EHBP1: variants seen among roughly 807,000 people sequenced by gnomAD.
EHBP1 encodes the protein EH domain binding protein 1.
In EHBP1, 55 loss-of-function variants were observed where a neutral mutation model predicts 144.0. The ratio of observed to expected loss-of-function variants is 0.38; its 90% confidence interval spans 0.31 to 0.48. EHBP1 has a LOEUF of 0.48. Ranked by LOEUF, EHBP1 falls within the 20% of genes least tolerant of loss-of-function variation. The pLI is 0.98. For missense variants in EHBP1, 1,200 were observed against 1,364.2 expected (o/e 0.88, Z 1.90); for synonymous variants, 469 against 472.7 (o/e 0.99, Z 0.10).
intron 18 of EHBP1, among the ~76,000 whole-genome samples, chr2:62,995,929 G>T (rs1234997565): frequency 6.6e-6 from 1 of 151,946 alleles, no homozygotes; most frequent in African/African-American, 2.4e-5. Flanking sequence ...TGGCTAAATG[G>T]AAGATTAACC....
At chr2:62,943,014 C>G in intron 11 of EHBP1, 118 bp downstream of exon 11, 1 of 751,554 alleles carries the variant, frequency 1.3e-6, no homozygotes. Context: ...ATTACCCCAC[C>G]TCTTGCTTTT....
chr2:62,767,397 T>G (rs112529456), intron 4 of EHBP1, among the ~76,000 whole-genome samples: 86 of 152,190 alleles, frequency 5.7e-4, no homozygotes, highest in African/African-American at 2.0e-3. Context: ...ATTATGGAAG[T>G]ATTATAAAAG....
At chr2:63,020,511 A>G (rs1033657077) in intron 19 of EHBP1, among the ~76,000 whole-genome samples, 4 of 150,466 alleles carry the variant, frequency 2.7e-5, no homozygotes, top group African/African-American at 4.8e-5. Flanking sequence ...TCAAAAAAAA[A>G]AAAGAAAGAA....
intron 2 of EHBP1, among the ~76,000 whole-genome samples, chr2:62,722,687 C>A (rs908990429): frequency 1.3e-5 from 2 of 152,254 alleles, no homozygotes; most frequent in Non-Finnish European, 2.9e-5. Context: ...TGTTTTGACA[C>A]TTGACACTTC....
At chr2:62,792,904 T>G (rs1392416600) in intron 5 of EHBP1, among the ~76,000 whole-genome samples, 4 of 148,242 alleles carry the variant, frequency 2.7e-5, no homozygotes, top group South Asian at 2.1e-4. Flanking sequence ...AATTGATAGG[T>G]TTTTTTTTTG....
chr2:62,680,941 T>C (rs1315682031), intron 1 of EHBP1, among the ~76,000 whole-genome samples: 2 of 152,124 alleles, frequency 1.3e-5, no homozygotes, highest in Non-Finnish European at 2.9e-5. Context: ...CCTATCATAC[T>C]GGGAGGAAAG....
chr2:62,949,023 C>A lies in EHBP1; in HGVS notation c.2177C>A (p.Thr726Asn). 6.2e-7 allele frequency: 1 copy of A among 1,613,814 alleles called. No homozygotes were observed. The highest frequency in any genetic ancestry group is 8.5e-7 in the Non-Finnish European group (1 of 1,179,894). Residue 726 changes from threonine (T) to asparagine (N), a missense_variant, in exon 13 of 23, where the codon ACT (threonine) becomes AAT (asparagine). By Grantham distance (65) the Thr-to-Asn change is moderately conservative. This residue lies in a region of EHBP1 where 543 missense variants were observed against 513.1 expected (regional missense o/e 1.06). Coordinates refer to ENST00000431489, the MANE Select transcript of EHBP1 (RefSeq NM_001142616.3). ...ATCAAAAAAACAAGTTTATCTCCTACTTCTAAACTTGGATACTCATATAGT... is the reference window on the plus strand; with the variant it reads ...ATCAAAAAAACAAGTTTATCTCCTAATTCTAAACTTGGATACTCATATAGT... Reference protein sequence around the residue: ...SPIKKTSLSPTSKLGYSYSRD... With the variant: ...SPIKKTSLSPNSKLGYSYSRD...
At chr2:62,908,176 G>A (rs2053945924) in intron 10 of EHBP1, among the ~76,000 whole-genome samples, 1 of 152,164 alleles carries the variant, frequency 6.6e-6, no homozygotes, top group African/African-American at 2.4e-5. Flanking sequence ...AAGAACTTTG[G>A]TAGTTTAAAT....
chr2:62,945,752 AAAAC>A (rs897829899), intron 12 of EHBP1, among the ~76,000 whole-genome samples: 6 of 152,144 alleles, frequency 3.9e-5, no homozygotes, highest in Admixed American at 2.0e-4. Flanking sequence ...CCTGTGTCCA[AAAAC>A]AAACAAACAA....
At chr2:62,827,403 G>C (rs932389885) in intron 6 of EHBP1, among the ~76,000 whole-genome samples, 2 of 152,194 alleles carry the variant, frequency 1.3e-5, no homozygotes, top group Non-Finnish European at 2.9e-5. Context: ...ACAGGAAGAA[G>C]AGACACAAAT....
At chr2:62,689,499 C>T (rs368988916) in intron 1 of EHBP1, among the ~76,000 whole-genome samples, 27 of 152,116 alleles carry the variant, frequency 1.8e-4, no homozygotes, top group African/African-American at 5.3e-4. Context: ...AAAAATTAGC[C>T]GGGCATTGGT....
intron 4 of EHBP1, among the ~76,000 whole-genome samples, chr2:62,767,269 ATTTACTGG>A (rs1366586323): frequency 6.6e-6 from 1 of 152,180 alleles, no homozygotes; most frequent in Non-Finnish European, 1.5e-5. Flanking sequence ...TTAATAGTAC[ATTTACTGG>A]TTTATCTGTC....
intron 19 of EHBP1, among the ~76,000 whole-genome samples, chr2:63,003,376 A>T (rs1297144418): frequency 6.6e-6 from 1 of 152,058 alleles, no homozygotes; most frequent in East Asian, 1.9e-4. Context: ...CCCTAGATGA[A>T]TTCAAAGTAA....
At chr2:62,740,625 A>C (rs1438823608) in intron 2 of EHBP1, among the ~76,000 whole-genome samples, 1 of 152,166 alleles carries the variant, frequency 6.6e-6, no homozygotes, top group East Asian at 1.9e-4. Context: ...TTATTAGTGA[A>C]GTGCCTATTC....
At chr2:62,886,413 A>T (rs1331392350) in intron 10 of EHBP1, among the ~76,000 whole-genome samples, 1 of 152,200 alleles carries the variant, frequency 6.6e-6, no homozygotes, top group Non-Finnish European at 1.5e-5. Context: ...AGGTAATCTT[A>T]CTTTACCTGT....
intron 2 of EHBP1, among the ~76,000 whole-genome samples, chr2:62,716,634 A>G (rs918885727): frequency 6.6e-6 from 1 of 152,240 alleles, no homozygotes; most frequent in African/African-American, 2.4e-5. Flanking sequence ...ATCTTCAGCT[A>G]TAAAGTGTAT....
chr2:62,816,653 T>C (rs992367352), intron 5 of EHBP1, among the ~76,000 whole-genome samples: 2 of 152,186 alleles, frequency 1.3e-5, no homozygotes, highest in Non-Finnish European at 2.9e-5. Context: ...GACTGTGGCT[T>C]CAGTTAGGGG....
chr2:62,807,140 C>T (rs1345568344), intron 5 of EHBP1, among the ~76,000 whole-genome samples: 1 of 152,040 alleles, frequency 6.6e-6, no homozygotes, highest in Non-Finnish European at 1.5e-5. Flanking sequence ...TAAGTGGATC[C>T]ACACAGTTCA....
chr2:62,674,096 A>G (rs527831983), intron 1 of EHBP1: 104 of 471,206 alleles, frequency 2.2e-4, no homozygotes, highest in African/African-American at 1.9e-3. Flanking sequence ...ATGAACTGGT[A>G]GGCCACAAGC....
Sources: gnomAD v4.1 joint callset for allele counts (sites outside exome capture counted in the v4.1 genomes callset) on GRCh38, gnomAD v4.1.1 for gene constraint, gnomAD v4.1.1 regional missense constraint, MANE v1.5 for transcripts, NCBI Gene and HGNC (gene_info 2026-07-23, HGNC 2026-07-21) for gene names.